The following SGCZ variants were observed in gnomAD, a reference collection of about 807,000 sequenced individuals.
SGCZ encodes zeta-sarcoglycan.
SGCZ carries 40 observed loss-of-function variants against 41.3 expected under a neutral mutation model. That is an observed-to-expected ratio of 0.97 (90% CI 0.75 to 1.26). SGCZ has a LOEUF of 1.26. Among genes scored for constraint, SGCZ ranks in the 50% most tolerant of loss-of-function variants. The pLI, the probability that SGCZ is intolerant of heterozygous loss-of-function variation, is 0.00. For synonymous variants in SGCZ, 206 were observed against 137.5 expected, an observed-to-expected ratio of 1.50 and a Z score of -3.49; for missense variants, 552 against 369.8, an observed-to-expected ratio of 1.49 and a Z score of -4.04.
Position 14,729,346 on chromosome 8 carries a change from C to T in SGCZ, c.40-174420G>A, listed in dbSNP as rs184247514. Among the ~76,000 whole-genome samples the T allele has an allele frequency of 1.6e-3, 241 of 152,268 alleles. 1 individual carries two copies. The highest frequency in any genetic ancestry group is 6.8e-3 in the Middle Eastern group (2 of 294). On this transcript the variant is annotated intron_variant, in intron 1 of 7. Transcript: ENST00000382080. ...TCTTCAAACTTGTATCATGCTATTGCGGACTGAAGTGAGTACCCCCAAAAT... is the reference window on the plus strand; with the variant it reads ...TCTTCAAACTTGTATCATGCTATTGTGGACTGAAGTGAGTACCCCCAAAAT...
chr8:14,771,346 T>A (rs1000682691), intron 1 of SGCZ, among the ~76,000 whole-genome samples: 1 of 152,148 alleles, frequency 6.6e-6, no homozygotes, highest in African/African-American at 2.4e-5. Context: ...TAAAATCACA[T>A]AGGATATTTG....
chr8:14,207,839 A>T (rs1032797468), intron 4 of SGCZ, among the ~76,000 whole-genome samples: 1 of 152,156 alleles, frequency 6.6e-6, no homozygotes, highest in African/African-American at 2.4e-5. Flanking sequence ...ATTTTGCATA[A>T]GAAAAATATA....
intron 1 of SGCZ, among the ~76,000 whole-genome samples, chr8:14,765,187 GA>G (rs1243712618): frequency 6.6e-6 from 1 of 152,052 alleles, no homozygotes; most frequent in Non-Finnish European, 1.5e-5. Flanking sequence ...TAAAGACCTG[GA>G]CTTGATTCCC....
chr8:14,430,606 T>C (rs1337705283), intron 2 of SGCZ, among the ~76,000 whole-genome samples: 4 of 151,912 alleles, frequency 2.6e-5, no homozygotes, highest in South Asian at 4.2e-4. Context: ...TGGGGAAAAG[T>C]TGAAAACGTT....
intron 2 of SGCZ, among the ~76,000 whole-genome samples, chr8:14,533,936 G>A (rs970108440): frequency 6.6e-6 from 1 of 151,932 alleles, no homozygotes; most frequent in Non-Finnish European, 1.5e-5. Context: ...ACAAAAATGA[G>A]AGCAAGCATA....
At chr8:14,381,656 G>A (rs555510522) in intron 2 of SGCZ, among the ~76,000 whole-genome samples, 5 of 151,748 alleles carry the variant, frequency 3.3e-5, no homozygotes, top group Non-Finnish European at 7.4e-5. Context: ...ACGTGCACCT[G>A]TAGTCCCAGC....
At chr8:15,217,411 C>A (rs1259407264) in intron 1 of SGCZ, among the ~76,000 whole-genome samples, 1 of 93,974 alleles carries the variant, frequency 1.1e-5, no homozygotes, top group African/African-American at 3.4e-5. Flanking sequence ...AGCGAGACTC[C>A]GTCTCAAAAA....
chr8:14,939,773 G>C (rs534690070), intron 1 of SGCZ, among the ~76,000 whole-genome samples: 20 of 152,126 alleles, frequency 1.3e-4, no homozygotes, highest in African/African-American at 4.8e-4. Context: ...TCACTCAAGG[G>C]AAGCAGCTTC....
intron 1 of SGCZ, among the ~76,000 whole-genome samples, chr8:14,777,167 T>C (rs370605565): frequency 1.8e-4 from 27 of 152,204 alleles, no homozygotes. Flanking sequence ...TGGACGTTTA[T>C]CTAAAGTTAA....
chr8:14,580,078 A>T (rs1390893152), intron 1 of SGCZ, among the ~76,000 whole-genome samples: 2 of 152,180 alleles, frequency 1.3e-5, no homozygotes, highest in Non-Finnish European at 2.9e-5. Flanking sequence ...TACCCAACAC[A>T]AAGACAGTAT....
At chr8:14,481,656 T>A (rs1416445137) in intron 2 of SGCZ, among the ~76,000 whole-genome samples, 2 of 151,948 alleles carry the variant, frequency 1.3e-5, no homozygotes, top group Admixed American at 1.3e-4. Context: ...GGAAGGGAGT[T>A]TTTTTATTAA....
intron 3 of SGCZ, among the ~76,000 whole-genome samples, chr8:14,304,117 C>T (rs1801278217): frequency 6.6e-6 from 1 of 151,986 alleles, no homozygotes; most frequent in African/African-American, 2.4e-5. Context: ...CATAAGGCCA[C>T]CTATAAGGGA....
At chr8:14,525,764 T>G (rs1443407938) in intron 2 of SGCZ, among the ~76,000 whole-genome samples, 1 of 152,076 alleles carries the variant, frequency 6.6e-6, no homozygotes, top group Non-Finnish European at 1.5e-5. Flanking sequence ...TAAATTACAA[T>G]AAACTTTAAG....
intron 2 of SGCZ, among the ~76,000 whole-genome samples, chr8:14,416,570 A>G (rs1799499427): frequency 6.6e-6 from 1 of 151,934 alleles, no homozygotes; most frequent in Admixed American, 6.6e-5. Flanking sequence ...GCATGAAAGT[A>G]AAATTTCACT....
intron 1 of SGCZ, among the ~76,000 whole-genome samples, chr8:14,856,577 G>C (rs1015410581): frequency 1.3e-5 from 2 of 152,120 alleles, no homozygotes; most frequent in Non-Finnish European, 2.9e-5. Flanking sequence ...CAAATCAATA[G>C]AGTATTCTGG....
intron 1 of SGCZ, among the ~76,000 whole-genome samples, chr8:15,130,964 G>T (rs938356270): frequency 1.3e-4 from 20 of 152,032 alleles, no homozygotes; most frequent in Non-Finnish European, 2.8e-4. Flanking sequence ...TAGATACGGG[G>T]CTTACAAAAA....
intron 3 of SGCZ, among the ~76,000 whole-genome samples, chr8:14,317,970 T>G (rs1239395688): frequency 6.7e-6 from 1 of 150,054 alleles, no homozygotes. Flanking sequence ...CTCTACCAAT[T>G]AGAAAAAAAA....
chr8:14,432,074 T>C (rs1017208897), intron 2 of SGCZ, among the ~76,000 whole-genome samples: 1 of 152,182 alleles, frequency 6.6e-6, no homozygotes, highest in African/African-American at 2.4e-5. Flanking sequence ...ACTTCTACCC[T>C]GCTGGTGGGA....
At chr8:15,165,266 G>C (rs915208877) in intron 1 of SGCZ, among the ~76,000 whole-genome samples, 1 of 151,962 alleles carries the variant, frequency 6.6e-6, no homozygotes, top group Admixed American at 6.6e-5. Flanking sequence ...CTCCAGCCTG[G>C]GACAGAGCGA....
Sources: gnomAD v4.1 joint callset for allele counts (sites outside exome capture counted in the v4.1 genomes callset) on GRCh38, gnomAD v4.1.1 for gene constraint, MANE v1.5 for transcripts, NCBI Gene and HGNC (gene_info 2026-07-23, HGNC 2026-07-21) for gene names.